Variants in PC observed in about 807,000 individuals in gnomAD.
The protein encoded by PC is pyruvate carboxylase.
Under a neutral mutation model 107.8 loss-of-function variants are expected in PC, and 46 were observed. The ratio of observed to expected loss-of-function variants is 0.43; its 90% CI spans 0.34 to 0.55. PC has a LOEUF of 0.55. Among genes scored for constraint, PC ranks in the 20% least tolerant of loss-of-function variants. The pLI is 0.04. For missense variants in PC, 1,241 were observed against 1,643.1 expected (o/e 0.76, Z 4.23); for synonymous variants, 662 against 684.7 (o/e 0.97, Z 0.52).
intron 9 of PC, among the ~76,000 whole-genome samples, chr11:66,869,559 A>G (rs1171245912): frequency 6.6e-6 from 1 of 152,182 alleles, no homozygotes; most frequent in Non-Finnish European, 1.5e-5. Context: ...GTGAAATAGT[A>G]TAAGCCAGTA....
In PC at chr11:66,871,958, G is replaced by A; in HGVS notation, c.136+66C>T. 2 of 1,564,908 alleles carry A rather than the reference G, an allele frequency of 1.3e-6. No individual in the cohort carries two copies. Among genetic ancestry groups the A allele is most frequent in the South Asian group, 1.2e-5 (1 of 85,586 alleles). ...GGGAAGCCAGGGCCTGGGGCAGTGAGTGGGAGAAGAATGCCAAGGCTGGGG... is the reference window on the plus strand; with the variant it reads ...GGGAAGCCAGGGCCTGGGGCAGTGAATGGGAGAAGAATGCCAAGGCTGGGG... On this transcript the variant is annotated intron_variant, in intron 4 of 22. Transcript: ENST00000393960. The surrounding 1 kb of genome is among the most constrained non-coding windows in gnomAD (Gnocchi z 7.4).
chr11:66,871,244 C>T lies in PC; in HGVS notation c.488-47G>A. ...GGAGTCTCTGTAACAGGCGGGAATC[C>T]CTGCCACCCCTCCCTGCTGGACCCT... is the stretch of plus-strand genomic sequence containing the variant. On this transcript the variant is annotated intron_variant, in intron 6 of 22. Coordinates refer to ENST00000393960, the MANE Select transcript of PC (RefSeq NM_001040716.2). This position sits in a 1 kb window ranked among gnomAD's most constrained non-coding sequence, Gnocchi z 7.4. 6.2e-7 allele frequency: 1 copy of T among 1,613,530 alleles called. No homozygotes were observed. The highest frequency in any genetic ancestry group is 8.5e-7 in the Non-Finnish European group (1 of 1,179,612).
chr11:66,925,757 C>A (rs1948701939), intron 3 of PC, among the ~76,000 whole-genome samples: 1 of 152,106 alleles, frequency 6.6e-6, no homozygotes. Flanking sequence ...GAAATCTTCA[C>A]AATTTATGTT....
chr11:66,949,030 G>A (rs1054056648), intron 3 of PC, among the ~76,000 whole-genome samples: 2 of 151,342 alleles, frequency 1.3e-5, no homozygotes, highest in African/African-American at 4.9e-5. Context: ...GTCTTGCTGT[G>A]TCGCCAGGCT....
intron 3 of PC, among the ~76,000 whole-genome samples, chr11:66,890,025 G>A (rs1402771007): frequency 1.3e-5 from 2 of 152,120 alleles, no homozygotes; most frequent in African/African-American, 4.8e-5. Flanking sequence ...TGTACATGCC[G>A]AATGAGGGAC....
intron 3 of PC, among the ~76,000 whole-genome samples, chr11:66,951,521 C>T (rs1284270990): frequency 6.6e-6 from 1 of 152,022 alleles, no homozygotes; most frequent in Non-Finnish European, 1.5e-5. Context: ...CTGGGGAGGC[C>T]GAAGAGGGCG....
intron 12 of PC, among the ~76,000 whole-genome samples, chr11:66,861,433 G>C (rs1011409181): frequency 6.6e-6 from 1 of 152,232 alleles, no homozygotes; most frequent in African/African-American, 2.4e-5. Flanking sequence ...CGCTGCCACC[G>C]GGCAGCCGAG....
intron 3 of PC, among the ~76,000 whole-genome samples, chr11:66,898,933 C>T (rs540570362): frequency 3.3e-5 from 5 of 152,054 alleles, no homozygotes; most frequent in Non-Finnish European, 7.4e-5. Flanking sequence ...GCTATGGCAA[C>T]GATCTTGGCT....
Position 66,850,802 on chromosome 11 carries a change from G to A in PC, c.2345C>T (p.Ala782Val). 1 of 1,611,520 alleles carries A rather than the reference G, an allele frequency of 6.2e-7. No homozygotes were observed. Among genetic ancestry groups the A allele is most frequent in the Non-Finnish European group, 8.5e-7 (1 of 1,179,964 alleles). Residue 782 changes from alanine to valine, a missense_variant, in exon 18 of 23, where the codon GCC becomes GTC. By Grantham distance (64) the Ala-to-Val change is moderately conservative. This residue lies in a region of PC where 1,143 missense variants were observed against 1,551.9 expected (regional missense o/e 0.74). Coordinates refer to ENST00000393960, the MANE Select transcript of PC (RefSeq NM_001040716.2). ...THDTSGAGVA[A>V]MLACAQAGAD... ...TCCAGCCTGGGCACAGGCCAGCATG[G>A]CTGCCACGCCTGCCCCTGACGTGTC...
At chr11:66,861,291 G>A (rs1946242239) in intron 12 of PC, among the ~76,000 whole-genome samples, 1 of 152,198 alleles carries the variant, frequency 6.6e-6, no homozygotes, top group South Asian at 2.1e-4. Flanking sequence ...ATGGGCAGAC[G>A]TGGCCCTCAG....
At chr11:66,890,701 T>A (rs1947544227) in intron 3 of PC, among the ~76,000 whole-genome samples, 1 of 151,814 alleles carries the variant, frequency 6.6e-6, no homozygotes, top group Admixed American at 6.6e-5. Flanking sequence ...GTTTTCTCCA[T>A]GTTGGTCAGG....
In PC at chr11:66,849,127, C is replaced by T. The variant is rs751977282; in HGVS notation, c.3309G>A (p.Lys1103=). The change falls in exon 23 of 23, where the codon AAG becomes AAA. Residue 1103 remains lysine (K), a synonymous_variant. Transcript: ENST00000393960. ...QAMKEMHFHP[K]ALKDVKGQIG... ...TCTGGCCCTTCACGTCCTTTAGGGC[C>T]TTGGGGTGGAAGTGCATCTCCTGAA... 3 of 1,613,930 alleles carry T rather than the reference C, an allele frequency of 1.9e-6. No individual in the cohort carries two copies. Among genetic ancestry groups the T allele is most frequent in the Non-Finnish European group, 2.5e-6 (3 of 1,180,034 alleles).
intron 3 of PC, among the ~76,000 whole-genome samples, chr11:66,942,480 G>C (rs1418382410): frequency 6.6e-6 from 1 of 151,962 alleles, no homozygotes; most frequent in Non-Finnish European, 1.5e-5. Context: ...AAATATGCCA[G>C]TCACAAAAAG....
In PC at chr11:66,897,913, CCA is replaced by C. The variant is rs1257767962; in HGVS notation, c.1-25756_1-25755del. On this transcript the variant is annotated intron_variant, in intron 3 of 22. Transcript: ENST00000393960. ...TTCCTTTTAGCCCACTGAATTGTCA[CCA>C]CAATCTCATGGGGTATTATCAACCC... Among the ~76,000 whole-genome samples, 4 of 152,284 alleles carry C rather than the reference CCA, an allele frequency of 2.6e-5. No individual in the cohort carries two copies. The South Asian group carries it at 8.3e-4, about 32-fold the overall frequency.
At chr11:66,919,727 C>G (rs569764587) in intron 3 of PC, 1 of 152,296 alleles carries the variant, frequency 6.6e-6, no homozygotes, top group East Asian at 1.9e-4. Flanking sequence ...TTCAGGCATC[C>G]TCTTTGCATG....
At chr11:66,916,072 A>G (rs1354475550) in intron 3 of PC, among the ~76,000 whole-genome samples, 3 of 152,008 alleles carry the variant, frequency 2.0e-5, no homozygotes, top group African/African-American at 7.3e-5. Flanking sequence ...GAACTCCCCT[A>G]TTGCTGGAGG....
At position 66,860,130 on chromosome 11, in the gene PC, C is replaced by G. The variant is rs1201762531; in HGVS notation, c.1368+3644G>C. 5 of 1,549,924 alleles carry G rather than the reference C, an allele frequency of 3.2e-6. No individual in the cohort carries two copies. In the Admixed American group the frequency reaches 9.8e-5, roughly 30 times the overall value. On this transcript the variant is annotated intron_variant, in intron 12 of 22. Coordinates refer to ENST00000393960, the MANE Select transcript of PC (RefSeq NM_001040716.2). ...ACGGAGCCACTCTGTGCATGGGGGG[C>G]TGCTCGGGGCAGGGTGCCGGGGGGT...
chr11:66,887,157 TG>T (rs2135999330), intron 3 of PC, among the ~76,000 whole-genome samples: 1 of 152,252 alleles, frequency 6.6e-6, no homozygotes, highest in South Asian at 2.1e-4. Flanking sequence ...TGGTATGCAG[TG>T]GGCTCCCCAG....
chr11:66,886,205 AG>A (rs1035472112), intron 3 of PC, among the ~76,000 whole-genome samples: 1 of 56,282 alleles, frequency 1.8e-5, no homozygotes, highest in African/African-American at 7.0e-5. Flanking sequence ...GAGGGGAGGG[AG>A]GGGGGCAGGC....
Sources: allele counts gnomAD v4.1 joint callset (sites outside exome capture counted in the v4.1 genomes callset), GRCh38; gene constraint gnomAD v4.1.1; regional missense constraint gnomAD v4.1.1; non-coding constraint Gnocchi (gnomAD v3.1); transcripts MANE v1.5; gene names NCBI Gene and HGNC (gene_info 2026-07-23, HGNC 2026-07-21).